NOTCH3: variants seen among roughly 807,000 people sequenced by gnomAD.
NOTCH3 encodes neurogenic locus notch homolog protein 3.
In NOTCH3, 86 loss-of-function variants were observed where a neutral mutation model predicts 213.3. The observed-to-expected ratio is 0.40, with a 90% CI of 0.34 to 0.48. The LOEUF (loss-of-function observed/expected upper bound fraction) is 0.48, where lower values mean the gene tolerates loss of function less well. Ranked by LOEUF, NOTCH3 falls within the 20% of genes least tolerant of loss-of-function variation. NOTCH3 has a pLI of 0.57. For missense variants in NOTCH3, 2,783 were observed against 3,272.6 expected (o/e 0.85, Z 3.65); for synonymous variants, 1,354 against 1,355.9 (o/e 1.00, Z 0.03).
rs2145432528 is a variant in NOTCH3 at position 15,186,995 on chromosome 19, G to A, written c.1841-7C>T. On this transcript the variant is annotated splice_region_variant and splice_polypyrimidine_tract_variant and intron_variant, in intron 11 of 32. Coordinates refer to ENST00000263388, the MANE Select transcript of NOTCH3 (RefSeq NM_000435.3). ...TTCACTTCGCAGTTCACACCTAGGGGCCAGGAACATGGCATGGAGTGGCCA... is the reference window on the plus strand; with the variant it reads ...TTCACTTCGCAGTTCACACCTAGGGACCAGGAACATGGCATGGAGTGGCCA... 1.2e-6 allele frequency: 2 copies of A among 1,613,666 alleles called. No homozygotes were observed. The highest frequency in any genetic ancestry group is 1.3e-5 in the African/African-American group (1 of 75,020).
At position 15,187,465 on chromosome 19, in the gene NOTCH3, A is replaced by G. The variant is rs12980291; in HGVS notation, c.1607-127T>C. On this transcript the variant is annotated intron_variant, in intron 10 of 32. Coordinates refer to ENST00000263388, the MANE Select transcript of NOTCH3 (RefSeq NM_000435.3). Reference sequence around the variant, plus strand: ...ATCAAGCTGTCAGGAGGCGAGCTCAATACAGGCCCCACCCCCCACCCCCCA... The same window carrying G: ...ATCAAGCTGTCAGGAGGCGAGCTCAGTACAGGCCCCACCCCCCACCCCCCA... 4.7e-3 allele frequency: 3,194 copies of G among 681,740 alleles called. 83 individuals are homozygous for G. The African/African-American group carries it at 0.052, about 11-fold the overall frequency. The allele number at this position is 681,740 out of a possible 1,614,324, so 42.2% of individuals were successfully genotyped here.
At chr19:15,162,691 C>T (rs1389019095) in intron 31 of NOTCH3, 129 bp from the exon 32 acceptor site, 1 of 720,408 alleles carries the variant, frequency 1.4e-6, no homozygotes, top group Non-Finnish European at 2.5e-6. Context: ...TATCCAAGTA[C>T]TTGTGTCTGG....
At position 15,179,228 on chromosome 19, in the gene NOTCH3, G is replaced by C. The variant is rs746713507; in HGVS notation, c.3515C>G (p.Ser1172Ter). 6.2e-7 allele frequency: 1 copy of C among 1,614,030 alleles called. No individual in the cohort carries two copies. Among genetic ancestry groups the C allele is most frequent in the Non-Finnish European group, 8.5e-7 (1 of 1,180,024 alleles). Residue 1172 changes from serine to a stop codon, truncating the protein, a stop_gained, in exon 22 of 33, where the codon TCA becomes TGA. Transcript: ENST00000263388. LOFTEE classifies it high-confidence loss of function. The stretch of plus-strand genomic sequence containing the variant: ...GCCATTGTGTAGGCACCGGGGCCCT[G>C]AGTCCAGCGGTGGGCCTGGGCCGCA... ...DDCGPGPPLD[S>*]GPRCLHNGTC... is the part of the protein sequence containing the mutation.
chr19:15,167,356 T>C lies in NOTCH3; in HGVS notation c.5255A>G (p.Gln1752Arg). The C allele has an allele frequency of 6.2e-7, 1 of 1,611,946 alleles. No individual in the cohort carries two copies. Among genetic ancestry groups the C allele is most frequent in the Non-Finnish European group, 8.5e-7 (1 of 1,180,012 alleles). ...GATGTCAGCAGCAACCAGATGGTGT[T>C]GAGTCCACTGACGGCAATCCACAGC... is the stretch of plus-strand genomic sequence containing the variant. ...EEAVDCRQWT[Q>R]HHLVAADIRV... The change falls in exon 29 of 33, where the codon CAA becomes CGA. Residue 1752 changes from glutamine to arginine, a missense_variant. Gln to Arg is a conservative substitution (Grantham distance 43). Around this residue, in one of 6 missense-constraint regions of NOTCH3, gnomAD observed 636 missense variants for 801.8 expected, o/e 0.79. Coordinates refer to ENST00000263388, the MANE Select transcript of NOTCH3 (RefSeq NM_000435.3).
Position 15,170,071 on chromosome 19 carries a change from GA to G in NOTCH3, c.5199+14del, listed in dbSNP as rs748186779. On this transcript the variant is annotated intron_variant, in intron 28 of 32. Transcript: ENST00000263388. ...GGGTCAGAGGAGGGGGCAAAGGTCA[GA>G]GGGGGGGCAGTACCTTTAGCCGCTT... 19 of 1,524,088 alleles carry G rather than the reference GA, an allele frequency of 1.2e-5. No homozygotes were observed. Among genetic ancestry groups the G allele is most frequent in the Middle Eastern group, 3.6e-4 (2 of 5,550 alleles). The allele number at this position is 1,524,088 out of a possible 1,614,324, so 94.4% of individuals were successfully genotyped here.
intron 28 of NOTCH3, 67 bp downstream of exon 28, chr19:15,170,019 G>A: frequency 3.4e-6 from 3 of 886,784 alleles, no homozygotes; most frequent in Admixed American, 2.0e-5. Flanking sequence ...CATCCACTGG[G>A]GACCCCACCC....
At chr19:15,175,330 C>CA (rs1480343840) in intron 24 of NOTCH3, among the ~76,000 whole-genome samples, 1 of 142,610 alleles carries the variant, frequency 7.0e-6, no homozygotes, top group South Asian at 2.2e-4. Context: ...GTCAGGAGTT[C>CA]TAGGCCAGCC....
Position 15,182,608 on chromosome 19 carries a change from C to CATTT in NOTCH3, c.2567-811_2567-808dup, listed in dbSNP as rs537564207. On this transcript the variant is annotated intron_variant, in intron 16 of 32. Transcript: ENST00000263388. Reference sequence around the variant, plus strand: ...TATATTGGGTTAAATAGATTATATACATTTATTTATTTATTTATTTATTTA... The same window carrying CATTT: ...TATATTGGGTTAAATAGATTATATACATTTATTTATTTATTTATTTATTTATTTA... Among the ~76,000 whole-genome samples, 343 of 151,216 alleles carry CATTT rather than the reference C, an allele frequency of 2.3e-3. 2 individuals carry two copies. The highest frequency in any genetic ancestry group is 6.2e-3 in the African/African-American group (254 of 41,256).
intron 1 of NOTCH3, among the ~76,000 whole-genome samples, chr19:15,198,635 T>C (rs1946182578): frequency 6.6e-6 from 1 of 152,014 alleles, no homozygotes; most frequent in Admixed American, 6.6e-5. Flanking sequence ...CCTGTAATCC[T>C]AGCTACTCAG....
In NOTCH3 at chr19:15,188,359, G is replaced by GAAT; in HGVS notation, c.1379-14_1379-12dup. The GAAT allele has an allele frequency of 6.4e-7, 1 of 1,567,190 alleles. No homozygotes were observed. Among genetic ancestry groups the GAAT allele is most frequent in the Non-Finnish European group, 8.7e-7 (1 of 1,145,090 alleles). ...AGGTTCCTGTGAAGCCTGGGGCAGGGAATAGGGCTTAGGAAAGCGGGGGCT... is the reference window on the plus strand; with the variant it reads ...AGGTTCCTGTGAAGCCTGGGGCAGGGAATAATAGGGCTTAGGAAAGCGGGGGCT... On this transcript the variant is annotated splice_polypyrimidine_tract_variant and intron_variant, in intron 8 of 32. Coordinates refer to ENST00000263388, the MANE Select transcript of NOTCH3 (RefSeq NM_000435.3).
chr19:15,200,163 G>C (rs1425412075), intron 1 of NOTCH3, among the ~76,000 whole-genome samples: 2 of 150,760 alleles, frequency 1.3e-5, no homozygotes, highest in African/African-American at 4.9e-5. Flanking sequence ...GCAGGGGCGG[G>C]GTCCCAGGGC....
At position 15,177,507 on chromosome 19, in the gene NOTCH3, T is replaced by C; in HGVS notation, c.4403+18A>G. 6.2e-7 allele frequency: 1 copy of C among 1,602,044 alleles called. No individual in the cohort carries two copies. Among genetic ancestry groups the C allele is most frequent in the Non-Finnish European group, 8.5e-7 (1 of 1,174,802 alleles). ...ATGGATGCATAGACAGACGGATCGA[T>C]CGGGTGGATGGGCTCACTTGCAAGT... On this transcript the variant is annotated intron_variant, in intron 24 of 32. Transcript: ENST00000263388.
intron 2 of NOTCH3, among the ~76,000 whole-genome samples, chr19:15,194,937 A>G (rs2046957668): frequency 6.7e-6 from 1 of 148,772 alleles, no homozygotes; most frequent in South Asian, 2.2e-4. Flanking sequence ...AGCCTGGGCA[A>G]CAAGAGCGAT....
chr19:15,160,412 GGAA>G lies in NOTCH3; in HGVS notation c.*247_*249del. On this transcript the variant is annotated 3_prime_UTR_variant, in exon 33 of 33. Coordinates refer to ENST00000263388, the MANE Select transcript of NOTCH3 (RefSeq NM_000435.3). Reference sequence around the variant, plus strand: ...AAGGAATGAGGGAAGAGAGAAGTGGGGAAGAAGGAGGTCCCAGACTCTTCACAA... The same window carrying G: ...AAGGAATGAGGGAAGAGAGAAGTGGGGAAGGAGGTCCCAGACTCTTCACAA... 1 of 544,844 alleles carries G rather than the reference GGAA, an allele frequency of 1.8e-6. No individual in the cohort carries two copies. The highest frequency in any genetic ancestry group is 3.3e-6 in the Non-Finnish European group (1 of 304,936). The allele number at this position is 544,844 out of a possible 1,614,324, so 33.8% of individuals were successfully genotyped here. A position where few individuals can be genotyped will look rare whatever the true frequency, so the allele number is the denominator to read the frequency against.
rs2046807491 is a variant in NOTCH3 at position 15,178,058 on chromosome 19, C to T, written c.3870G>A (p.Ala1290=). The part of the protein sequence containing the change: ...PFWGPRCERV[A]RSCRELQCPV... The stretch of plus-strand genomic sequence containing the variant: ...GGCACTGCAGCTCCCGGCAGGAGCG[C>T]GCCACCCGCTCGCAACGCGGACCCC... The change falls in exon 24 of 33, where the codon GCG becomes GCA. Residue 1290 remains alanine, a synonymous_variant. Transcript: ENST00000263388. 4 of 1,519,530 alleles carry T rather than the reference C, an allele frequency of 2.6e-6. No homozygotes were observed. Among genetic ancestry groups the T allele is most frequent in the Non-Finnish European group, 8.8e-7 (1 of 1,139,536 alleles). The allele number at this position is 1,519,530 out of a possible 1,614,324, so 94.1% of individuals were successfully genotyped here.
chr19:15,172,678 T>C (rs1455323847), intron 25 of NOTCH3, among the ~76,000 whole-genome samples: 5 of 151,128 alleles, frequency 3.3e-5, no homozygotes, highest in Non-Finnish European at 5.9e-5. Context: ...CTTTTTTTTT[T>C]TTTTTGAGAC....
In NOTCH3 at chr19:15,165,299, G is replaced by T; in HGVS notation, c.5815+69C>A. On this transcript the variant is annotated intron_variant, in intron 31 of 32. Coordinates refer to ENST00000263388, the MANE Select transcript of NOTCH3 (RefSeq NM_000435.3). The surrounding 1 kb of genome is among the most constrained non-coding windows in gnomAD (Gnocchi z 4.7). ...TGGGTCTCAACATGGGTATGAATTT[G>T]CACCAACATGACCCTCAGGGCCCAG... 6.6e-7 allele frequency: 1 copy of T among 1,510,174 alleles called. No individual in the cohort carries two copies. The highest frequency in any genetic ancestry group is 9.1e-7 in the Non-Finnish European group (1 of 1,098,242). The allele number at this position is 1,510,174 out of a possible 1,614,324, so 93.5% of individuals were successfully genotyped here.
intron 25 of NOTCH3, 104 bp downstream of exon 25, chr19:15,173,964 T>C (rs911611276): frequency 1.0e-6 from 1 of 995,454 alleles, no homozygotes; most frequent in Non-Finnish European, 1.5e-6. Context: ...GCTCCTGACA[T>C]CTGGTGGGTA....
chr19:15,163,054 C>T (rs2046659153), intron 31 of NOTCH3, among the ~76,000 whole-genome samples: 3 of 152,110 alleles, frequency 2.0e-5, no homozygotes. Flanking sequence ...CAGGCATGTA[C>T]CACCATGCCC....
Sources: allele counts gnomAD v4.1 joint callset (sites outside exome capture counted in the v4.1 genomes callset), GRCh38; gene constraint gnomAD v4.1.1; regional missense constraint gnomAD v4.1.1; non-coding constraint Gnocchi (gnomAD v3.1); transcripts MANE v1.5; gene names NCBI Gene and HGNC (gene_info 2026-07-23, HGNC 2026-07-21).